The following ANAPC7 variants were observed in gnomAD, a reference collection of about 807,000 sequenced individuals.
The protein encoded by ANAPC7 is anaphase-promoting complex subunit 7.
In ANAPC7, 25 loss-of-function variants were observed where a neutral mutation model predicts 63.3. That is an observed-to-expected ratio of 0.39 (90% CI 0.29 to 0.55). The LOEUF (loss-of-function observed/expected upper bound fraction) is 0.55. ANAPC7 is among the 20% of genes least tolerant of loss of function. The probability of loss-of-function intolerance (pLI) is 0.57; values close to 1 mark genes in which losing one functional copy is unlikely to be tolerated. For synonymous variants in ANAPC7, 241 were observed against 251.7 expected, an observed-to-expected ratio of 0.96 and a Z score of 0.40; for missense variants, 516 against 691.7, an observed-to-expected ratio of 0.75 and a Z score of 2.85.
rs767425887 is a variant in ANAPC7, at chr12:110,374,110, G to A, written c.*34C>T. 12 of 1,585,520 alleles carry A rather than the reference G, an allele frequency of 7.6e-6. No individual in the cohort carries two copies. Among genetic ancestry groups the A allele is most frequent in the Non-Finnish European group, 1.0e-5 (12 of 1,169,028 alleles). ...CAGTCCACGGAAGTGCTCAGAGCAGGGCAGGCCACTGCGGCCATGGAGCTG... is the reference window on the plus strand; with the variant it reads ...CAGTCCACGGAAGTGCTCAGAGCAGAGCAGGCCACTGCGGCCATGGAGCTG... On this transcript the variant is annotated 3_prime_UTR_variant, in exon 11 of 11. Coordinates refer to ENST00000455511, the MANE Select transcript of ANAPC7 (RefSeq NM_016238.3).
Position 110,377,814 on chromosome 12 carries a change from G to A in ANAPC7, c.1133-197C>T. The A allele has an allele frequency of 4.2e-6, 6 of 1,427,812 alleles. No homozygotes were observed. In the South Asian group the frequency reaches 9.2e-5, roughly 22 times the overall value. 88.4% of individuals were successfully genotyped at this position (1,427,812 alleles called of 1,614,324 possible). ...GTGCTCTTCCCCAGAGAACTTGATG[G>A]ATGTAGAAAAAGACTGCCTTCAAAG... On this transcript the variant is annotated intron_variant, in intron 8 of 10. Transcript: ENST00000455511.
At position 110,382,495 on chromosome 12, in the gene ANAPC7, T is replaced by TA. The variant is rs1491221822; in HGVS notation, c.935+347_935+348insT. ...ATATATATATATATATATATATATATTTATAGAGACAGGGTCTTGCTACAT... is the reference window on the plus strand; with the variant it reads ...ATATATATATATATATATATATATATATTATAGAGACAGGGTCTTGCTACAT... On this transcript the variant is annotated intron_variant, in intron 7 of 10. Transcript: ENST00000455511. Among the ~76,000 whole-genome samples the TA allele has an allele frequency of 1.7e-3, 221 of 132,238 alleles. 7 individuals carry two copies. Among genetic ancestry groups the TA allele is most frequent in the African/African-American group, 6.1e-3 (211 of 34,548 alleles). The allele number at this position is 132,238 out of a possible 152,430, so 86.8% of individuals were successfully genotyped here.
At chr12:110,379,272 A>G (rs957884970) in intron 8 of ANAPC7, 1 of 152,216 alleles carries the variant, frequency 6.6e-6, no homozygotes, top group African/African-American at 2.4e-5. Flanking sequence ...TTCAGAAAAA[A>G]ACAGAATGCA....
intron 3 of ANAPC7, among the ~76,000 whole-genome samples, chr12:110,389,930 T>G (rs1333266208): frequency 6.7e-6 from 1 of 149,052 alleles, no homozygotes; most frequent in Admixed American, 6.7e-5. Context: ...AGACTCCGTC[T>G]CAAAAAACAA....
chr12:110,376,427 G>A (rs969847115), intron 9 of ANAPC7, among the ~76,000 whole-genome samples: 4 of 151,594 alleles, frequency 2.6e-5, no homozygotes, highest in Non-Finnish European at 5.9e-5. Flanking sequence ...AAATTAGCCG[G>A]GCTTGGTGGC....
rs918657275 is a variant in ANAPC7, at chr12:110,375,302, G to A, written c.1508+764C>T. Among the ~76,000 whole-genome samples, 4 of 152,274 alleles carry A rather than the reference G, an allele frequency of 2.6e-5. No homozygotes were observed. In the East Asian group the frequency reaches 7.7e-4, roughly 29 times the overall value. ...CATGGCATGGCCAGTCTGCATGTCTGAGACTGACAGCTCCCGAAACATAGC... is the reference window on the plus strand; with the variant it reads ...CATGGCATGGCCAGTCTGCATGTCTAAGACTGACAGCTCCCGAAACATAGC... On this transcript the variant is annotated intron_variant, in intron 10 of 10. Transcript: ENST00000455511.
chr12:110,383,261 A>C (rs1882112711), intron 6 of ANAPC7: 1 of 230,074 alleles, frequency 4.3e-6, no homozygotes, highest in Admixed American at 5.3e-5. Flanking sequence ...ACACGGTGAA[A>C]CCTCATCTCT....
rs894320800 is a variant in ANAPC7 at position 110,374,097 on chromosome 12, G to A, written c.*47C>T. On this transcript the variant is annotated 3_prime_UTR_variant, in exon 11 of 11. Coordinates refer to ENST00000455511, the MANE Select transcript of ANAPC7 (RefSeq NM_016238.3). Reference sequence around the variant, plus strand: ...CCTACGGTTCCTTCAGTCCACGGAAGTGCTCAGAGCAGGGCAGGCCACTGC... The same window carrying A: ...CCTACGGTTCCTTCAGTCCACGGAAATGCTCAGAGCAGGGCAGGCCACTGC... 1 of 1,541,794 alleles carries A rather than the reference G, an allele frequency of 6.5e-7. No individual in the cohort carries two copies. Among genetic ancestry groups the A allele is most frequent in the South Asian group, 1.2e-5 (1 of 81,514 alleles).
chr12:110,386,654 A>C (rs1361482416), intron 5 of ANAPC7, 185 bp from the exon 6 acceptor site: 2 of 543,268 alleles, frequency 3.7e-6, no homozygotes, highest in Non-Finnish European at 6.3e-6. Flanking sequence ...AAAAACAAAG[A>C]ATAAAGCAGA....
intron 8 of ANAPC7, 135 bp from the exon 9 acceptor site, chr12:110,377,752 A>T: frequency 6.7e-7 from 1 of 1,495,704 alleles, no homozygotes; most frequent in Non-Finnish European, 8.9e-7. Flanking sequence ...TGATGGTGAG[A>T]TTAGACTGGC....
intron 10 of ANAPC7, 173 bp downstream of exon 10, chr12:110,375,892 GA>G: frequency 7.6e-7 from 1 of 1,323,598 alleles, no homozygotes; most frequent in Non-Finnish European, 9.6e-7. Flanking sequence ...TATATTTTAA[GA>G]AAAAATTTTT....
In ANAPC7 at chr12:110,396,409, G is replaced by A. The variant is rs775181644; in HGVS notation, c.145C>T (p.His49Tyr). The A allele has an allele frequency of 8.1e-6, 13 of 1,613,364 alleles. No individual in the cohort carries two copies. The highest frequency in any genetic ancestry group is 6.7e-5 in the East Asian group (3 of 44,858). Residue 49 changes from histidine to tyrosine, a missense_variant, in exon 2 of 11, where the codon CAT becomes TAT. This residue lies in a region of ANAPC7 where 185 missense variants were observed against 200.3 expected (regional missense o/e 0.92). Coordinates refer to ENST00000455511, the MANE Select transcript of ANAPC7 (RefSeq NM_016238.3). ...TTATCATGAAAGAGAGAATCTGCAT[G>A]ATACACCAAAAGCTGGTACTTCTGA... ...PPQKYQLLVY[H>Y]ADSLFHDKEY...
chr12:110,384,117 G>C (rs572953563), intron 6 of ANAPC7, among the ~76,000 whole-genome samples: 99 of 151,938 alleles, frequency 6.5e-4, no homozygotes, highest in African/African-American at 2.2e-3. Flanking sequence ...CAGGAGAATT[G>C]CTTGAACTCA....
Position 110,388,564 on chromosome 12 carries a change from G to A in ANAPC7, c.468C>T (p.Thr156=), listed in dbSNP as rs762048752. 3.7e-6 allele frequency: 6 copies of A among 1,614,008 alleles called. No individual in the cohort carries two copies. In the Admixed American group the frequency reaches 1.0e-4, roughly 27 times the overall value. ...KKAGQERPSV[T]SYKEVLRQCP... is the part of the protein sequence containing the mutation. The stretch of plus-strand genomic sequence containing the variant: ...ACTGCCTCAGCACCTCCTTATAGCT[G>A]GTGACTGAAGGGCGCTCCTGACCAG... The change falls in exon 4 of 11, where the codon ACC becomes ACT. Residue 156 remains threonine (T), a synonymous_variant. Transcript: ENST00000455511.
chr12:110,386,502 A>T (rs1566267905), intron 5 of ANAPC7, 33 bp from the exon 6 acceptor site: 6 of 1,561,078 alleles, frequency 3.8e-6, no homozygotes, highest in Middle Eastern at 3.4e-4. Context: ...TGAACCTTTA[A>T]ATCTATTATA....
At chr12:110,391,551 C>A (rs976384787) in intron 3 of ANAPC7, among the ~76,000 whole-genome samples, 1 of 152,118 alleles carries the variant, frequency 6.6e-6, no homozygotes, top group African/African-American at 2.4e-5. Flanking sequence ...ATGTTTGAGG[C>A]ACACATCTTT....
chr12:110,402,642 A>G (rs998448981), intron 1 of ANAPC7, among the ~76,000 whole-genome samples: 5 of 151,850 alleles, frequency 3.3e-5, no homozygotes, highest in African/African-American at 1.2e-4. Context: ...CCAATAAAGG[A>G]TATTAAGCAG....
intron 6 of ANAPC7, among the ~76,000 whole-genome samples, chr12:110,383,778 A>C (rs1385716223): frequency 7.0e-6 from 1 of 141,936 alleles, no homozygotes; most frequent in Non-Finnish European, 1.5e-5. Context: ...CAGGAGGCTG[A>C]GGCAGGAGAA....
intron 1 of ANAPC7, among the ~76,000 whole-genome samples, chr12:110,401,929 G>A (rs2062234803): frequency 1.4e-5 from 2 of 138,024 alleles, no homozygotes; most frequent in Non-Finnish European, 3.0e-5. Context: ...AGCCAAGATC[G>A]TGCAGAGCGA....
Sources: gnomAD v4.1 joint callset for allele counts (sites outside exome capture counted in the v4.1 genomes callset) on GRCh38, gnomAD v4.1.1 for gene constraint, gnomAD v4.1.1 regional missense constraint, MANE v1.5 for transcripts, NCBI Gene and HGNC (gene_info 2026-07-23, HGNC 2026-07-21) for gene names.